The following FAM161B variants were observed in gnomAD, a reference collection of about 807,000 sequenced individuals.
FAM161B encodes the protein FAM161 centrosomal protein B.
FAM161B carries 46 observed loss-of-function variants against 61.5 expected under a neutral mutation model. The observed-to-expected ratio is 0.75, with a 90% CI of 0.59 to 0.96. The LOEUF (loss-of-function observed/expected upper bound fraction) is 0.96. Ranked by LOEUF, FAM161B falls within the 40% of genes least tolerant of loss-of-function variation. The pLI is 0.00. For synonymous variants in FAM161B, 284 were observed against 302.7 expected (o/e 0.94, Z 0.64); for missense variants, 774 against 800.7 (o/e 0.97, Z 0.40).
chr14:73,924,689 T>C, the FAM161B span: 2 of 450,362 alleles, frequency 4.4e-6, no homozygotes, highest in South Asian at 1.6e-5. Flanking sequence ...TTTTCTTTTT[T>C]TTTTTGAGAC....
downstream of FAM161B, chr14:73,931,502 G>A: frequency 1.2e-6 from 2 of 1,606,410 alleles, no homozygotes; most frequent in Non-Finnish European, 1.7e-6. Context: ...ATCTTTTACA[G>A]TTACTAAACC....
rs771580494 is a variant in FAM161B at position 73,933,885 on chromosome 14, GATCTC to G, written c.*366_*370del. The G allele has an allele frequency of 1.2e-3, 214 of 178,312 alleles. No individual in the cohort carries two copies. The highest frequency in any genetic ancestry group is 1.5e-3 in the Non-Finnish European group (129 of 85,018). The allele number at this position is 178,312 out of a possible 1,614,324, so 11.0% of individuals were successfully genotyped here. ...TGCCCAGGCTGGAGTGCTGTGGAGT[GATCTC>G]AGCTCATTACAACCTCTGCCTCTTG... On this transcript the variant is annotated 3_prime_UTR_variant, in exon 9 of 9. Coordinates refer to ENST00000286544, the MANE Select transcript of FAM161B (RefSeq NM_152445.3).
At chr14:73,924,494 CAG>C in the FAM161B span, among the ~76,000 whole-genome samples, 1 of 152,176 alleles carries the variant, frequency 6.6e-6, no homozygotes, top group Admixed American at 6.5e-5. Flanking sequence ...ACTCAGGAAA[CAG>C]AATGCAAAGT....
the FAM161B span, among the ~76,000 whole-genome samples, chr14:73,926,124 A>T: frequency 6.6e-6 from 1 of 152,158 alleles, no homozygotes; most frequent in East Asian, 1.9e-4. Flanking sequence ...GAGTATTTCA[A>T]AGCAAATTGT....
At chr14:73,947,767 CT>C (rs1157569411) in intron 1 of FAM161B, among the ~76,000 whole-genome samples, 3 of 152,172 alleles carry the variant, frequency 2.0e-5, no homozygotes, top group Non-Finnish European at 2.9e-5. Context: ...GGCTTATTAA[CT>C]TGCTGCAGGA....
intron 3 of FAM161B, 21 bp downstream of exon 3, chr14:73,944,311 GCAA>G: frequency 1.3e-6 from 2 of 1,547,214 alleles, no homozygotes; most frequent in African/African-American, 2.7e-5. Flanking sequence ...GCAGGAGGCA[GCAA>G]GGTGGCAAGG....
At chr14:73,934,422 CAAA>C in intron 8 of FAM161B, 28 bp from the exon 9 acceptor site, 1 of 1,582,716 alleles carries the variant, frequency 6.3e-7, no homozygotes, top group Non-Finnish European at 8.6e-7. Flanking sequence ...ACATGAAAAA[CAAA>C]AAAAATTTTT....
Position 73,944,350 on chromosome 14 carries a change from C to T in FAM161B, c.910G>A (p.Gly304Arg), listed in dbSNP as rs1319600027. 8 of 1,589,724 alleles carry T rather than the reference C, an allele frequency of 5.0e-6. No individual in the cohort carries two copies. Among genetic ancestry groups the T allele is most frequent in the Non-Finnish European group, 6.9e-6 (8 of 1,163,630 alleles). Residue 304 changes from glycine to arginine, a missense_variant, in exon 3 of 9, where the codon GGG (glycine) becomes AGG (arginine). Transcript: ENST00000286544. ...ATGTCTTTACCCTGGAGTTTATCCC[C>T]AAGGGCTGGCTCCAGAATGGACTTG... ...IPKSILEPAL[G>R]DKLQEAELFR... is the part of the protein sequence containing the mutation.
intron 3 of FAM161B, 94 bp from the exon 4 acceptor site, chr14:73,942,809 G>T: frequency 3.5e-6 from 4 of 1,137,714 alleles, no homozygotes; most frequent in Non-Finnish European, 4.9e-6. Context: ...AGCTGTAAGT[G>T]TTACTGGAGG....
downstream of FAM161B, chr14:73,932,053 T>G (rs914038161): frequency 2.2e-6 from 1 of 455,972 alleles, no homozygotes; most frequent in South Asian, 1.5e-5. Flanking sequence ...AGTAAGAGAC[T>G]CTCTGCCACT....
Position 73,944,631 on chromosome 14 carries a change from G to A in FAM161B, c.629C>T (p.Ala210Val). Residue 210 changes from alanine (A) to valine (V), a missense_variant, in exon 3 of 9, where the codon GCC becomes GTC. Coordinates refer to ENST00000286544, the MANE Select transcript of FAM161B (RefSeq NM_152445.3). ...QRAQRQGEEE[A>V]ECHRQFRAQP... ...TGCCCGGAACTGCCTGTGGCACTCG[G>A]CCTCTTCCTCACCCTGCCTCTGGGC... 1 of 1,613,858 alleles carries A rather than the reference G, an allele frequency of 6.2e-7. No individual in the cohort carries two copies. The highest frequency in any genetic ancestry group is 1.1e-5 in the South Asian group (1 of 91,082).
At chr14:73,928,292 G>A (rs956392946), downstream of FAM161B, among the ~76,000 whole-genome samples, 10 of 152,148 alleles carry the variant, frequency 6.6e-5, no homozygotes, top group African/African-American at 2.4e-4. Context: ...GGACAGCAGT[G>A]TGTACAAAGG....
At chr14:73,932,160 G>A (rs1242374337), downstream of FAM161B, 3 of 366,064 alleles carry the variant, frequency 8.2e-6, no homozygotes, top group Middle Eastern at 7.1e-4. Flanking sequence ...TGCTTTCTTC[G>A]TTAATGGAAC....
downstream of FAM161B, among the ~76,000 whole-genome samples, chr14:73,929,980 G>A (rs1254991993): frequency 1.3e-5 from 2 of 152,084 alleles, no homozygotes; most frequent in Non-Finnish European, 2.9e-5. Flanking sequence ...GGGCTTTTGG[G>A]CTGTCATACT....
At chr14:73,949,234 C>A (rs2056101965) in intron 1 of FAM161B, among the ~76,000 whole-genome samples, 1 of 152,232 alleles carries the variant, frequency 6.6e-6, no homozygotes, top group Non-Finnish European at 1.5e-5. Context: ...TCCCGAGTAG[C>A]TGGGATTACA....
At chr14:73,941,368 C>T (rs1174713821) in intron 4 of FAM161B, among the ~76,000 whole-genome samples, 1 of 152,068 alleles carries the variant, frequency 6.6e-6, no homozygotes, top group African/African-American at 2.4e-5. Context: ...GTGATCCACC[C>T]GTGTCGGCCT....
At chr14:73,944,920 G>T (rs976941477) in intron 2 of FAM161B, 35 bp from the exon 3 acceptor site, 1 of 1,480,700 alleles carries the variant, frequency 6.8e-7, no homozygotes, top group Non-Finnish European at 8.9e-7. Context: ...TGGAGGACAG[G>T]GCAGTCAGGA....
intron 5 of FAM161B, among the ~76,000 whole-genome samples, chr14:73,938,885 T>C (rs568771957): frequency 1.3e-5 from 2 of 152,338 alleles, no homozygotes; most frequent in South Asian, 2.1e-4. Context: ...CTGCCATTTT[T>C]AAAAATAATA....
intron 1 of FAM161B, among the ~76,000 whole-genome samples, chr14:73,947,099 A>T (rs2056073759): frequency 6.6e-6 from 1 of 152,056 alleles, no homozygotes; most frequent in East Asian, 1.9e-4. Context: ...CAAGGAATGG[A>T]TGATGGCTGG....
Sources: gnomAD v4.1 joint callset for allele counts (sites outside exome capture counted in the v4.1 genomes callset) on GRCh38, gnomAD v4.1.1 for gene constraint, MANE v1.5 for transcripts, NCBI Gene and HGNC (gene_info 2026-07-23, HGNC 2026-07-21) for gene names.